CDC42BPA: variants seen among roughly 807,000 people sequenced by gnomAD.
The protein encoded by CDC42BPA is serine/threonine-protein kinase MRCK alpha.
A neutral mutation model predicts 223.5 loss-of-function variants in CDC42BPA; 80 were observed. That is an observed-to-expected ratio of 0.36 (90% CI 0.30 to 0.43). The LOEUF (loss-of-function observed/expected upper bound fraction) is 0.43, where lower values mean the gene tolerates loss of function less well. Among genes scored for constraint, CDC42BPA ranks in the 20% least tolerant of loss-of-function variants. The pLI, the probability that CDC42BPA is intolerant of heterozygous loss-of-function variation, is 1.00. For synonymous variants in CDC42BPA, 694 were observed against 718.6 expected, an observed-to-expected ratio of 0.97 and a Z score of 0.55; for missense variants, 1,743 against 2,099.9, an observed-to-expected ratio of 0.83 and a Z score of 3.32.
intron 21 of CDC42BPA, among the ~76,000 whole-genome samples, chr1:227,067,145 T>C (rs1293621428): frequency 6.6e-6 from 1 of 151,930 alleles, no homozygotes; most frequent in South Asian, 2.1e-4. Context: ...TAATAGAGGG[T>C]AGAAGATGAG....
intron 1 of CDC42BPA, among the ~76,000 whole-genome samples, chr1:227,316,753 T>C (rs994167651): frequency 1.3e-5 from 2 of 152,204 alleles, no homozygotes; most frequent in Non-Finnish European, 2.9e-5. Context: ...ACTGTTGACC[T>C]AAAAACATAA....
In CDC42BPA at chr1:227,294,583, G is replaced by A. The variant is rs374833343; in HGVS notation, c.178+22422C>T. On this transcript the variant is annotated intron_variant, in intron 1 of 36. Transcript: ENST00000366766. ...TGAAGCAAAAAGAGGTTAATTGGCC[G>A]GGCGCGGTGGCTCACGCCTGTAATC... 1.1e-4 allele frequency among the ~76,000 whole-genome samples: 8 copies of A among 73,042 alleles called. 2 individuals are homozygous for A. The highest frequency in any genetic ancestry group is 2.0e-4 in the Non-Finnish European group (7 of 34,984). 47.9% of individuals were successfully genotyped at this position (73,042 alleles called of 152,430 possible).
intron 5 of CDC42BPA, among the ~76,000 whole-genome samples, chr1:227,172,806 A>T (rs1264626946): frequency 2.0e-5 from 3 of 152,332 alleles, no homozygotes; most frequent in Admixed American, 6.5e-5. Flanking sequence ...GAATTATTTT[A>T]TGCTTCTCAT....
chr1:227,107,049 C>G lies in CDC42BPA; in HGVS notation c.2001+5263G>C, dbSNP rs936181283. Reference sequence around the variant, plus strand: ...TGGCTGTCCAGGTCCTTTGCAATTCCATATGAATTTGAGGATCAGCTTTTT... The same window carrying G: ...TGGCTGTCCAGGTCCTTTGCAATTCGATATGAATTTGAGGATCAGCTTTTT... On this transcript the variant is annotated intron_variant, in intron 14 of 36. Transcript: ENST00000366766. 5.3e-4 allele frequency among the ~76,000 whole-genome samples: 81 copies of G among 152,120 alleles called. 2 individuals are homozygous for G. The highest frequency in any genetic ancestry group is 1.3e-4 in the Non-Finnish European group (9 of 68,022).
chr1:227,090,796 G>A (rs1682933775), intron 16 of CDC42BPA, among the ~76,000 whole-genome samples: 1 of 152,170 alleles, frequency 6.6e-6, no homozygotes, highest in Non-Finnish European at 1.5e-5. Flanking sequence ...GGGCGACAGA[G>A]CGAGACTGTA....
intron 1 of CDC42BPA, among the ~76,000 whole-genome samples, chr1:227,297,147 A>G (rs7519849): frequency 0.31 from 46,754 of 152,070 alleles, 7,360 homozygotes; most frequent in East Asian, 0.37. Flanking sequence ...ACATTTCTCC[A>G]AAGAAGATAT....
intron 32 of CDC42BPA, among the ~76,000 whole-genome samples, chr1:227,018,561 C>T (rs925289062): frequency 6.6e-6 from 1 of 152,132 alleles, no homozygotes; most frequent in Non-Finnish European, 1.5e-5. Flanking sequence ...GTCTTATAGA[C>T]ACATAGTGGG....
intron 2 of CDC42BPA, among the ~76,000 whole-genome samples, chr1:227,213,726 C>A (rs1271403025): frequency 6.6e-6 from 1 of 152,060 alleles, no homozygotes; most frequent in Non-Finnish European, 1.5e-5. Flanking sequence ...ATATCACATA[C>A]TCTTACATAC....
Position 227,317,690 on chromosome 1 carries a change from G to A in CDC42BPA, c.-508C>T. On this transcript the variant is annotated 5_prime_UTR_variant, in exon 1 of 37. Coordinates refer to ENST00000366766, the MANE Select transcript of CDC42BPA (RefSeq NM_001394014.1). Reference sequence around the variant, plus strand: ...AAACAGAATGCATAGAAGGGGGAGGGAAAACCAAAAATGTTGCTGCAAATC... The same window carrying A: ...AAACAGAATGCATAGAAGGGGGAGGAAAAACCAAAAATGTTGCTGCAAATC... 2.5e-6 allele frequency: 1 copy of A among 397,768 alleles called. No homozygotes were observed. The highest frequency in any genetic ancestry group is 4.4e-6 in the Non-Finnish European group (1 of 225,976). The allele number at this position is 397,768 out of a possible 1,614,324, so 24.6% of individuals were successfully genotyped here.
At chr1:227,009,133 C>T (rs1005242948) in intron 34 of CDC42BPA, among the ~76,000 whole-genome samples, 10 of 152,090 alleles carry the variant, frequency 6.6e-5, no homozygotes, top group Non-Finnish European at 1.5e-4. Flanking sequence ...AGGCTACAAA[C>T]TGTATCTGAA....
chr1:227,008,017 T>C (rs1364944579), intron 34 of CDC42BPA, among the ~76,000 whole-genome samples: 1 of 152,226 alleles, frequency 6.6e-6, no homozygotes, highest in Non-Finnish European at 1.5e-5. Flanking sequence ...CAGTTTGTCC[T>C]GGTTATAAGC....
intron 7 of CDC42BPA, 70 bp from the exon 8 acceptor site, chr1:227,145,807 T>A: frequency 8.1e-7 from 1 of 1,238,920 alleles, no homozygotes; most frequent in Non-Finnish European, 1.1e-6. Context: ...TTGACTTATT[T>A]ATTTTCTTAA....
chr1:226,999,304 G>A (rs1193208544), intron 35 of CDC42BPA, among the ~76,000 whole-genome samples: 1 of 151,896 alleles, frequency 6.6e-6, no homozygotes, highest in Non-Finnish European at 1.5e-5. Flanking sequence ...AGCCTCTCGA[G>A]TGGCTGGGAC....
chr1:227,102,285 C>T (rs965797359), intron 14 of CDC42BPA, among the ~76,000 whole-genome samples: 3 of 152,090 alleles, frequency 2.0e-5, no homozygotes, highest in African/African-American at 7.2e-5. Context: ...GTGTCCACTG[C>T]AATATTAACC....
At chr1:227,249,198 A>G (rs1681529804) in intron 2 of CDC42BPA, among the ~76,000 whole-genome samples, 1 of 152,212 alleles carries the variant, frequency 6.6e-6, no homozygotes, top group South Asian at 2.1e-4. Context: ...AGTCTCTTCA[A>G]TAAATGGTGC....
At chr1:227,311,904 C>T (rs538934604) in intron 1 of CDC42BPA, among the ~76,000 whole-genome samples, 55 of 152,250 alleles carry the variant, frequency 3.6e-4, no homozygotes, top group African/African-American at 1.3e-3. Context: ...ACACTCTTTC[C>T]CTTCACTAGG....
At chr1:227,067,075 G>A (rs75298716) in intron 21 of CDC42BPA, among the ~76,000 whole-genome samples, 3,155 of 152,164 alleles carry the variant, frequency 0.021, 122 homozygotes, top group African/African-American at 0.072. Context: ...CTTCATACTA[G>A]GAGTTCCCTT....
chr1:227,067,580 TCTC>T (rs879665506), intron 21 of CDC42BPA, among the ~76,000 whole-genome samples: 5 of 152,264 alleles, frequency 3.3e-5, no homozygotes, highest in Middle Eastern at 3.4e-3. Context: ...CGAGGAGAGT[TCTC>T]TTTTTATCAC....
At chr1:227,236,912 A>C (rs976101519) in intron 2 of CDC42BPA, among the ~76,000 whole-genome samples, 1 of 152,046 alleles carries the variant, frequency 6.6e-6, no homozygotes, top group Non-Finnish European at 1.5e-5. Flanking sequence ...TTGTGGTGAC[A>C]CATGCCTGTG....
Sources: gnomAD v4.1 joint callset for allele counts (sites outside exome capture counted in the v4.1 genomes callset) on GRCh38, gnomAD v4.1.1 for gene constraint, MANE v1.5 for transcripts, NCBI Gene and HGNC (gene_info 2026-07-23, HGNC 2026-07-21) for gene names.